Variants in ADGRE3 observed in about 807,000 individuals in gnomAD.
ADGRE3 encodes adhesion G protein-coupled receptor E3.
A neutral mutation model predicts 80.1 loss-of-function variants in ADGRE3; 88 were observed. The observed-to-expected ratio is 1.10, with a 90% CI of 0.93 to 1.31. ADGRE3 has a LOEUF of 1.31. Among genes scored for constraint, ADGRE3 ranks in the 40% most tolerant of loss-of-function variants. The probability of loss-of-function intolerance (pLI) is 0.00; values close to 1 mark genes in which losing one functional copy is unlikely to be tolerated. For missense variants in ADGRE3, 715 were observed against 776.5 expected, an observed-to-expected ratio of 0.92 and a Z score of 0.94; for synonymous variants, 281 against 294.8, an observed-to-expected ratio of 0.95 and a Z score of 0.48.
intron 2 of ADGRE3, among the ~76,000 whole-genome samples, chr19:14,666,348 T>A (rs886911260): frequency 1.3e-5 from 2 of 149,474 alleles, no homozygotes; most frequent in Admixed American, 6.8e-5. Context: ...TAATTAGTGA[T>A]GTTGAGCATT....
chr19:14,645,180 C>CA (rs371224910), intron 8 of ADGRE3, among the ~76,000 whole-genome samples: 396 of 149,900 alleles, frequency 2.6e-3, no homozygotes, highest in Middle Eastern at 0.014. Context: ...AGGAAAAAAA[C>CA]AAAAAAAAAC....
chr19:14,632,846 T>C lies in ADGRE3; in HGVS notation c.1643+75A>G, dbSNP rs969091173. On this transcript the variant is annotated intron_variant, in intron 13 of 15. Transcript: ENST00000253673. The stretch of plus-strand genomic sequence containing the variant: ...TAGTCCTGGGAGCATGGCTGTTGAA[T>C]GTACGTGTGTATGGATATGTAGGAA... 12 of 937,882 alleles carry C rather than the reference T, an allele frequency of 1.3e-5. No individual in the cohort carries two copies. In the African/African-American group the frequency reaches 1.5e-4, roughly 11 times the overall value. The allele number at this position is 937,882 out of a possible 1,614,324, so 58.1% of individuals were successfully genotyped here. A position where few individuals can be genotyped will look rare whatever the true frequency, so the allele number is the denominator to read the frequency against.
chr19:14,627,344 C>G (rs547168438), intron 14 of ADGRE3, among the ~76,000 whole-genome samples: 17 of 152,052 alleles, frequency 1.1e-4, no homozygotes, highest in Admixed American at 3.9e-4. Context: ...TGCTTATACT[C>G]GTTATATAAA....
chr19:14,668,876 G>A lies in ADGRE3; in HGVS notation c.26-24C>T, dbSNP rs779347390. 11 of 1,610,676 alleles carry A rather than the reference G, an allele frequency of 6.8e-6. No homozygotes were observed. In the Admixed American group the frequency reaches 8.3e-5, roughly 12 times the overall value. On this transcript the variant is annotated intron_variant, in intron 1 of 15. Transcript: ENST00000253673. ...GCCTGGAATAGATGGGAAACAGAAG[G>A]GAGAGACATGAAACAATTGAGGAGA...
At chr19:14,616,448 C>T (rs78345993), downstream of ADGRE3, among the ~76,000 whole-genome samples, 125 of 152,122 alleles carry the variant, frequency 8.2e-4, 1 homozygote, top group East Asian at 0.015. Context: ...TTGCCTGGGA[C>T]TGAGGGACTC....
intron 13 of ADGRE3, 43 bp from the exon 14 acceptor site, chr19:14,630,250 AATG>A (rs759336412): frequency 1.9e-6 from 3 of 1,539,714 alleles, no homozygotes; most frequent in Non-Finnish European, 2.6e-6. Context: ...AAAAACTAAT[AATG>A]AGCATGAACA....
At position 14,623,299 on chromosome 19, in the gene ADGRE3, TAA is replaced by T. The variant is rs1325415854; in HGVS notation, c.1920+2191_1920+2192del. ...CCTAAAATACTTAAAAAAAAAAAAATAAAAAAAAAAAAAAATAAAACTCCTGG... is the reference window on the plus strand; with the variant it reads ...CCTAAAATACTTAAAAAAAAAAAAATAAAAAAAAAAAAATAAAACTCCTGG... On this transcript the variant is annotated intron_variant, in intron 15 of 15. Transcript: ENST00000253673. 9.0e-4 allele frequency among the ~76,000 whole-genome samples: 15 copies of T among 16,682 alleles called. 5 individuals are homozygous for T. Among genetic ancestry groups the T allele is most frequent in the South Asian group, 7.9e-3 (1 of 126 alleles). 10.9% of individuals were successfully genotyped at this position (16,682 alleles called of 152,430 possible).
At chr19:14,612,442 C>A in the ADGRE3 span, among the ~76,000 whole-genome samples, 1 of 152,028 alleles carries the variant, frequency 6.6e-6, no homozygotes, top group East Asian at 1.9e-4. Flanking sequence ...CTTAAGCATC[C>A]TCCCGCCTCA....
At position 14,619,482 on chromosome 19, in the gene ADGRE3, G is replaced by A. The variant is rs776769920; in HGVS notation, c.1921-11C>T. 5 of 1,588,068 alleles carry A rather than the reference G, an allele frequency of 3.1e-6. No homozygotes were observed. The highest frequency in any genetic ancestry group is 4.3e-6 in the Non-Finnish European group (5 of 1,157,768). ...TGGAAAAACATCCCCCTATAAAAGA[G>A]GTTTAGATTAAAGGTGGATGTAAGG... On this transcript the variant is annotated splice_polypyrimidine_tract_variant and intron_variant, in intron 15 of 15. Transcript: ENST00000253673.
At chr19:14,613,391 T>C in the ADGRE3 span, among the ~76,000 whole-genome samples, 55 of 133,096 alleles carry the variant, frequency 4.1e-4, 1 homozygote, top group Admixed American at 3.6e-3. Context: ...CCCAGCTAAT[T>C]TTAATTTTTT....
chr19:14,632,940 A>T lies in ADGRE3; in HGVS notation c.1624T>A (p.Ser542Thr). 2 of 1,612,502 alleles carry T rather than the reference A, an allele frequency of 1.2e-6. No homozygotes were observed. Among genetic ancestry groups the T allele is most frequent in the Non-Finnish European group, 1.7e-6 (2 of 1,178,532 alleles). ...TCCTACCTTGTGTTCTGGATGGTTGACACTTCACTATTGAGGGAGGAAAGT... is the reference window on the plus strand; with the variant it reads ...TCCTACCTTGTGTTCTGGATGGTTGTCACTTCACTATTGAGGGAGGAAAGT... Reference protein sequence around the residue: ...RKLSSLNSEVSTIQNTRMLAF... With the variant: ...RKLSSLNSEVTTIQNTRMLAF... Residue 542 changes from serine (S) to threonine (T), a missense_variant, in exon 13 of 16, where the codon TCA becomes ACA. By Grantham distance (58) the Ser-to-Thr change is moderately conservative. Transcript: ENST00000253673.
At chr19:14,650,964 C>T in intron 7 of ADGRE3, 121 bp downstream of exon 7, 1 of 1,022,300 alleles carries the variant, frequency 9.8e-7, no homozygotes. Flanking sequence ...GGAAAATCTC[C>T]AATATCGTAG....
At chr19:14,614,579 A>G (rs1184886274), downstream of ADGRE3, among the ~76,000 whole-genome samples, 1 of 151,260 alleles carries the variant, frequency 6.6e-6, no homozygotes, top group Non-Finnish European at 1.5e-5. Context: ...AACGCCCGCC[A>G]ATCTTTTTTT....
chr19:14,656,044 G>T (rs925379984), intron 5 of ADGRE3, among the ~76,000 whole-genome samples: 1 of 151,364 alleles, frequency 6.6e-6, no homozygotes, highest in Admixed American at 6.6e-5. Context: ...GGTTTAATAG[G>T]CAAAAGAAAA....
the ADGRE3 span, among the ~76,000 whole-genome samples, chr19:14,602,691 T>G: frequency 6.6e-6 from 1 of 152,152 alleles, no homozygotes; most frequent in Non-Finnish European, 1.5e-5. Context: ...GTGTCCCTTC[T>G]GTTTTTTATC....
the ADGRE3 span, among the ~76,000 whole-genome samples, chr19:14,613,788 C>T: frequency 1.3e-5 from 2 of 151,792 alleles, no homozygotes; most frequent in African/African-American, 2.4e-5. Flanking sequence ...TGGGTACAAG[C>T]GATTCTTGTG....
intron 10 of ADGRE3, 124 bp from the exon 11 acceptor site, chr19:14,638,464 G>A (rs1368658493): frequency 1.5e-6 from 1 of 663,530 alleles, no homozygotes; most frequent in East Asian, 2.7e-5. Flanking sequence ...TAAAAGTAAA[G>A]GGGAACTGGA....
intron 7 of ADGRE3, among the ~76,000 whole-genome samples, chr19:14,650,352 A>C (rs1420905494): frequency 3.6e-3 from 243 of 67,116 alleles, no homozygotes; most frequent in African/African-American, 5.0e-3. Context: ...ATCTTTTTCC[A>C]TCTCTCTTCC....
intron 13 of ADGRE3, among the ~76,000 whole-genome samples, chr19:14,632,687 A>G (rs1402171307): frequency 6.6e-6 from 1 of 151,452 alleles, no homozygotes; most frequent in Non-Finnish European, 1.5e-5. Flanking sequence ...GGGTTGCAAC[A>G]TGAGACTGAA....
Sources: allele counts gnomAD v4.1 joint callset (sites outside exome capture counted in the v4.1 genomes callset), GRCh38; gene constraint gnomAD v4.1.1; transcripts MANE v1.5; gene names NCBI Gene and HGNC (gene_info 2026-07-23, HGNC 2026-07-21).